The following MUC6 variants were observed in gnomAD, a reference collection of about 807,000 sequenced individuals.
MUC6 encodes mucin 6, oligomeric mucus/gel-forming (gene/pseudogene).
A neutral mutation model predicts 201.5 loss-of-function variants in MUC6; 188 were observed. That is an observed-to-expected ratio of 0.93 (90% CI 0.83 to 1.05). The LOEUF is 1.05. MUC6 is among the 50% of genes least tolerant of loss of function. The pLI is 0.00. For missense variants in MUC6, 2,706 were observed against 3,256.9 expected, an observed-to-expected ratio of 0.83 and a Z score of 4.12; for synonymous variants, 1,228 against 1,389.4, an observed-to-expected ratio of 0.88 and a Z score of 2.58.
chr11:1,023,359 TGTGA>T, intron 26 of MUC6, 146 bp downstream of exon 26: 1 of 997,904 alleles, frequency 1.0e-6, no homozygotes, highest in South Asian at 1.6e-5. Context: ...CGTGAGTGTG[TGTGA>T]ATGAATGTGT....
intron 26 of MUC6, 132 bp from the exon 27 acceptor site, chr11:1,021,409 C>T (rs1182379027): frequency 7.8e-6 from 4 of 515,600 alleles, no homozygotes; most frequent in East Asian, 3.5e-5. Flanking sequence ...CTCGCTCTGT[C>T]GCCCAGGCTG....
In MUC6 at chr11:1,025,239, C is replaced by T; in HGVS notation, c.2928G>A (p.Leu976=). Residue 976 remains leucine (L), a synonymous_variant, in exon 23 of 33, where the codon CTG becomes CTA. Coordinates refer to ENST00000421673, the MANE Select transcript of MUC6 (RefSeq NM_005961.3). ...VDISIPGRYN[L]TLIWNRHMTI... ...TCATGTGCCTGTTCCAGATGAGCGT[C>T]AGGTTGTACCTCCCGGGGATGCTGA... 6.2e-7 allele frequency: 1 copy of T among 1,612,842 alleles called. No individual in the cohort carries two copies. Among genetic ancestry groups the T allele is most frequent in the African/African-American group, 1.3e-5 (1 of 75,052 alleles).
chr11:1,034,571 G>C (rs1338479725), intron 1 of MUC6, among the ~76,000 whole-genome samples: 4 of 152,332 alleles, frequency 2.6e-5, no homozygotes, highest in Non-Finnish European at 4.4e-5. Flanking sequence ...GGCCTCTGGT[G>C]GGGGAGGGGT....
At chr11:1,030,150 C>A in intron 8 of MUC6, 63 bp downstream of exon 8, 11 of 1,495,850 alleles carry the variant, frequency 7.4e-6, no homozygotes, top group Non-Finnish European at 9.8e-6. Flanking sequence ...GGTCTGACGT[C>A]CCCTTGTCTC....
In MUC6 at chr11:1,016,019, G is replaced by T. The variant is rs779080712; in HGVS notation, c.6782C>A (p.Ala2261Asp). 6.2e-7 allele frequency: 1 copy of T among 1,608,138 alleles called. No individual in the cohort carries two copies. The highest frequency in any genetic ancestry group is 8.5e-7 in the Non-Finnish European group (1 of 1,176,250). The change falls in exon 31 of 33, where the codon GCC becomes GAC. Residue 2261 changes from alanine (A) to aspartate (D), a missense_variant. This residue lies in a region of MUC6 where 586 missense variants were observed against 488.0 expected (regional missense o/e 1.20). Coordinates refer to ENST00000421673, the MANE Select transcript of MUC6 (RefSeq NM_005961.3). ...TPRTTASTHT[A>D]PAFSSQSTTS... ...GGTGGACTGAGAGGAGAAGGCAGGG[G>T]CGGTGTGGGTGCTGGCCGTGGTCCT...
chr11:1,032,887 A>C, intron 2 of MUC6, 126 bp downstream of exon 2: 1 of 741,416 alleles, frequency 1.3e-6, no homozygotes, highest in South Asian at 1.9e-5. Context: ...ATGTGTGTTC[A>C]TGTTGGTGCA....
chr11:1,028,912 G>C lies in MUC6; in HGVS notation c.1430C>G (p.Ala477Gly), dbSNP rs753153403. 6.2e-7 allele frequency: 1 copy of C among 1,612,866 alleles called. No homozygotes were observed. The highest frequency in any genetic ancestry group is 8.5e-7 in the Non-Finnish European group (1 of 1,179,888). ...QDEVVTNNGE[A>G]KWLPYKTRNI... ...ACGAGTCTTGTATGGCAGCCACTTG[G>C]CTTCTCCGTTGTTGGTGACCACCTC... Residue 477 changes from alanine (A) to glycine (G), a missense_variant, in exon 12 of 33, where the codon GCC becomes GGC. Physicochemically the swap from Ala to Gly is moderately conservative, Grantham distance 60. This residue lies in a region of MUC6 where 1,850 missense variants were observed against 1,958.3 expected (regional missense o/e 0.94). Coordinates refer to ENST00000421673, the MANE Select transcript of MUC6 (RefSeq NM_005961.3).
rs1226357387 is a variant in MUC6, at chr11:1,013,852, T to C, written c.7142+47A>G. The C allele has an allele frequency of 1.9e-6, 3 of 1,552,844 alleles. No individual in the cohort carries two copies. In the Admixed American group the frequency reaches 5.7e-5, roughly 29 times the overall value. On this transcript the variant is annotated intron_variant, in intron 32 of 32. Coordinates refer to ENST00000421673, the MANE Select transcript of MUC6 (RefSeq NM_005961.3). ...CCCGAACCTCTCTGGGGTGGGGTTGTGAGCACCTTGGTGGACGTGGGGCAG... is the reference window on the plus strand; with the variant it reads ...CCCGAACCTCTCTGGGGTGGGGTTGCGAGCACCTTGGTGGACGTGGGGCAG...
intron 2 of MUC6, among the ~76,000 whole-genome samples, chr11:1,032,400 TGA>T (rs926629736): frequency 5.3e-5 from 8 of 151,738 alleles, no homozygotes; most frequent in African/African-American, 7.3e-5. Context: ...TGTAGGCGTG[TGA>T]GATATACACC....
In MUC6 at chr11:1,013,084, G is replaced by A. The variant is rs1856513298; in HGVS notation, c.*372C>T. 3.9e-6 allele frequency: 1 copy of A among 256,872 alleles called. No homozygotes were observed. The highest frequency in any genetic ancestry group is 7.4e-6 in the Non-Finnish European group (1 of 134,428). The allele number at this position is 256,872 out of a possible 1,614,324, so 15.9% of individuals were successfully genotyped here. A position where few individuals can be genotyped will look rare whatever the true frequency, so the allele number is the denominator to read the frequency against. The stretch of plus-strand genomic sequence containing the variant: ...CTCCTCGCCCCTGATGGGTCTGGTC[G>A]AGCGCCTGCTCTGTGGCTTCATCTG... On this transcript the variant is annotated 3_prime_UTR_variant, in exon 33 of 33. Coordinates refer to ENST00000421673, the MANE Select transcript of MUC6 (RefSeq NM_005961.3).
At chr11:1,030,378 C>T in intron 7 of MUC6, 43 bp from the exon 8 acceptor site, 3 of 1,521,272 alleles carry the variant, frequency 2.0e-6, no homozygotes, top group South Asian at 1.2e-5. Flanking sequence ...CCACCCCCCC[C>T]ACCCCTCCCT....
At position 1,019,370 on chromosome 11, in the gene MUC6, G is replaced by A; in HGVS notation, c.3935C>T (p.Thr1312Ile). Residue 1312 changes from threonine to isoleucine, a missense_variant, in exon 30 of 33, where the codon ACC (threonine) becomes ATC (isoleucine). By Grantham distance (89) the Thr-to-Ile change is moderately conservative (BLOSUM62 -1). Coordinates refer to ENST00000421673, the MANE Select transcript of MUC6 (RefSeq NM_005961.3). ...TQATTRATAS[T>I]ASPATTSTAQ... ...TGTGGACGTCGTGGCTGGGCTGGCGGTCGACGCCGTGGCCCTGGTTGTGGC... is the reference window on the plus strand; with the variant it reads ...TGTGGACGTCGTGGCTGGGCTGGCGATCGACGCCGTGGCCCTGGTTGTGGC... 6.2e-7 allele frequency: 1 copy of A among 1,613,816 alleles called. No homozygotes were observed. The highest frequency in any genetic ancestry group is 2.2e-5 in the East Asian group (1 of 44,882).
At chr11:1,024,202 T>G in intron 24 of MUC6, 99 bp from the exon 25 acceptor site, 1 of 1,397,898 alleles carries the variant, frequency 7.2e-7, no homozygotes, top group Admixed American at 2.0e-5. Context: ...GGCCGGAGTG[T>G]GGCGGTAAGG....
In MUC6 at chr11:1,031,795, C is replaced by T; in HGVS notation, c.356+18G>A. The T allele has an allele frequency of 4.4e-6, 7 of 1,576,108 alleles. No individual in the cohort carries two copies. The highest frequency in any genetic ancestry group is 6.0e-6 in the Non-Finnish European group (7 of 1,161,262). On this transcript the variant is annotated intron_variant, in intron 3 of 32. Coordinates refer to ENST00000421673, the MANE Select transcript of MUC6 (RefSeq NM_005961.3). ...CCTCCGGCCCCCGAGCCCCCGGGCC[C>T]CGGCCCACCTGACCTACCCGATGTC...
In MUC6 at chr11:1,019,328, C is replaced by T. The variant is rs201742888; in HGVS notation, c.3977G>A (p.Arg1326Gln). The change falls in exon 30 of 33, where the codon CGG (arginine) becomes CAG (glutamine). Residue 1326 changes from arginine (R) to glutamine (Q), a missense_variant. By Grantham distance (43) the Arg-to-Gln change is conservative. Transcript: ENST00000421673. ...ATTSTAQSTTRTTMTLPTPAT... is the reference protein window; with the variant it reads ...ATTSTAQSTTQTTMTLPTPAT... ...TGGGGTTGGTAGTGTCATTGTGGTC[C>T]GTGTTGTGGACTGAGCTGTGGACGT... 5.4e-5 allele frequency: 87 copies of T among 1,613,842 alleles called. No individual in the cohort carries two copies. The highest frequency in any genetic ancestry group is 6.5e-5 in the Non-Finnish European group (77 of 1,179,894).
chr11:1,022,393 C>T (rs931540669), intron 26 of MUC6, among the ~76,000 whole-genome samples: 24 of 152,228 alleles, frequency 1.6e-4, no homozygotes, highest in Non-Finnish European at 2.9e-4. Context: ...TGGCTCTGCC[C>T]GCTGCCCTGG....
Position 1,013,603 on chromosome 11 carries a change from G to A in MUC6, c.7173C>T (p.Ala2391=). Residue 2391 remains alanine, a synonymous_variant, in exon 33 of 33, where the codon GCC becomes GCT. Transcript: ENST00000421673. ...SFNIITQQVD[A]RCSCCRPLHS... ...GGAGGGGGCGGCAGCAGCTGCAGCGGGCATCCACCTGCTGGGTGATGATGT... is the reference window on the plus strand; with the variant it reads ...GGAGGGGGCGGCAGCAGCTGCAGCGAGCATCCACCTGCTGGGTGATGATGT... 1 of 1,566,482 alleles carries A rather than the reference G, an allele frequency of 6.4e-7. No individual in the cohort carries two copies. Among genetic ancestry groups the A allele is most frequent in the Non-Finnish European group, 8.6e-7 (1 of 1,157,118 alleles).
At chr11:1,018,826 T>A in intron 30 of MUC6, 56 bp from the exon 31 acceptor site, 2 of 1,517,072 alleles carry the variant, frequency 1.3e-6, no homozygotes, top group Non-Finnish European at 1.8e-6. Flanking sequence ...TACCCTGACC[T>A]CCGCTGGCCC....
At chr11:1,023,830 C>T in intron 25 of MUC6, 117 bp downstream of exon 25, 1 of 1,464,136 alleles carries the variant, frequency 6.8e-7, no homozygotes. Context: ...CCCCGCAGGG[C>T]ACAGCCCGGC....
Sources: gnomAD v4.1 joint callset for allele counts (sites outside exome capture counted in the v4.1 genomes callset) on GRCh38, gnomAD v4.1.1 for gene constraint, gnomAD v4.1.1 regional missense constraint, MANE v1.5 for transcripts, NCBI Gene and HGNC (gene_info 2026-07-23, HGNC 2026-07-21) for gene names.